ATXN2: variants seen among roughly 807,000 people sequenced by gnomAD.
ATXN2 encodes the protein ataxin 2, also known as ataxin-2.
Under a neutral mutation model 138.6 loss-of-function variants are expected in ATXN2, and 37 were observed. That is an observed-to-expected ratio of 0.27 (90% CI 0.21 to 0.35). The LOEUF is 0.35. Ranked by LOEUF, ATXN2 falls within the 10% of genes least tolerant of loss-of-function variation. The pLI, the probability that ATXN2 is intolerant of heterozygous loss-of-function variation, is 1.00. For missense variants in ATXN2, 1,216 were observed against 1,480.3 expected (o/e 0.82, Z 2.93); for synonymous variants, 549 against 543.7 (o/e 1.01, Z -0.13).
intron 1 of ATXN2, among the ~76,000 whole-genome samples, chr12:111,594,425 G>A (rs1319282598): frequency 4.0e-5 from 6 of 151,330 alleles, no homozygotes; most frequent in Non-Finnish European, 8.8e-5. Flanking sequence ...TGCAACCTCC[G>A]CCTCCTGGGC....
intron 5 of ATXN2, among the ~76,000 whole-genome samples, chr12:111,538,644 T>C (rs1011963620): frequency 2.7e-5 from 4 of 150,354 alleles, no homozygotes; most frequent in Non-Finnish European, 1.5e-5. Flanking sequence ...TGAGCCACTG[T>C]ACCCAGCCAG....
At chr12:111,506,602 A>G (rs1879124454) in intron 14 of ATXN2, among the ~76,000 whole-genome samples, 1 of 151,870 alleles carries the variant, frequency 6.6e-6, no homozygotes, top group South Asian at 2.1e-4. Context: ...AAGAATACCT[A>G]CAGCAAGACA....
chr12:111,495,308 CA>C (rs374203441), intron 14 of ATXN2, among the ~76,000 whole-genome samples: 688 of 60,374 alleles, frequency 0.011, 2 homozygotes, highest in African/African-American at 0.027. Context: ...AACTCTGTCT[CA>C]AAAAAAAAAA....
In ATXN2 at chr12:111,555,930, T is replaced by A; in HGVS notation, c.252-11A>T. 1 of 1,582,474 alleles carries A rather than the reference T, an allele frequency of 6.3e-7. No individual in the cohort carries two copies. The highest frequency in any genetic ancestry group is 8.6e-7 in the Non-Finnish European group (1 of 1,161,958). ...TTACTGTTTCGACCTCTGAAAAGAT[T>A]AAATATTATTTTTATTAAATTCAAC... is the stretch of plus-strand genomic sequence containing the variant. On this transcript the variant is annotated splice_polypyrimidine_tract_variant and intron_variant, in intron 1 of 24. Coordinates refer to ENST00000673436, the MANE Select transcript of ATXN2 (RefSeq NM_001372574.1).
chr12:111,583,953 T>G (rs983335451), intron 1 of ATXN2, among the ~76,000 whole-genome samples: 1 of 151,968 alleles, frequency 6.6e-6, no homozygotes, highest in East Asian at 1.9e-4. Context: ...TAACTGAGTG[T>G]CCTGTATTTC....
chr12:111,555,373 A>G (rs1172684069), intron 2 of ATXN2, among the ~76,000 whole-genome samples: 1 of 152,122 alleles, frequency 6.6e-6, no homozygotes, highest in Non-Finnish European at 1.5e-5. Flanking sequence ...CTTTAATTAT[A>G]ATAATTCTCG....
intron 1 of ATXN2, among the ~76,000 whole-genome samples, chr12:111,597,398 G>A (rs1275065245): frequency 6.6e-6 from 1 of 152,180 alleles, no homozygotes; most frequent in African/African-American, 2.4e-5. Context: ...GTCACCCGCC[G>A]TCAAGCCGGC....
chr12:111,599,204 A>G lies in ATXN2; in HGVS notation c.-170T>C. 1 of 1,200,660 alleles carries G rather than the reference A, an allele frequency of 8.3e-7. No individual in the cohort carries two copies. 74.4% of individuals were successfully genotyped at this position (1,200,660 alleles called of 1,614,324 possible). A position where few individuals can be genotyped will look rare whatever the true frequency, so the allele number is the denominator to read the frequency against. On this transcript the variant is annotated 5_prime_UTR_variant, in exon 1 of 25. Transcript: ENST00000673436. Reference sequence around the variant, plus strand: ...GGCGAGGGGGAGAAGGAGGACGACGAAGGGGCGGGGAGGCCCGCCGAGACC... The same window carrying G: ...GGCGAGGGGGAGAAGGAGGACGACGGAGGGGCGGGGAGGCCCGCCGAGACC...
chr12:111,479,390 TAAAAAAAAA>T (rs33967202), intron 18 of ATXN2, among the ~76,000 whole-genome samples: 2 of 49,848 alleles, frequency 4.0e-5, no homozygotes, highest in African/African-American at 6.4e-5. Context: ...CCGTCTCTGC[TAAAAAAAAA>T]AAAAAAAAAA....
chr12:111,494,615 G>A (rs1345070636), intron 14 of ATXN2, among the ~76,000 whole-genome samples: 1 of 151,722 alleles, frequency 6.6e-6, no homozygotes, highest in Non-Finnish European at 1.5e-5. Flanking sequence ...TAGTAGAGAT[G>A]GGGTTTCACC....
At chr12:111,519,129 T>TA (rs1880017578) in intron 8 of ATXN2, among the ~76,000 whole-genome samples, 1 of 152,304 alleles carries the variant, frequency 6.6e-6, no homozygotes, top group African/African-American at 2.4e-5. Flanking sequence ...GCTCATCCCT[T>TA]AACTAGGTGG....
intron 5 of ATXN2, among the ~76,000 whole-genome samples, chr12:111,535,932 G>A (rs1279989146): frequency 5.3e-5 from 8 of 149,580 alleles, no homozygotes; most frequent in African/African-American, 9.9e-5. Context: ...CCCAGGAGGC[G>A]GAGCTTGCAG....
intron 11 of ATXN2, chr12:111,512,702 C>G (rs1443809565): frequency 2.6e-5 from 4 of 152,128 alleles, no homozygotes; most frequent in African/African-American, 7.3e-5. Context: ...GTGATCCGCC[C>G]ACCTCAGCCT....
At chr12:111,596,237 C>A (rs1002030564) in intron 1 of ATXN2, among the ~76,000 whole-genome samples, 1 of 141,148 alleles carries the variant, frequency 7.1e-6, no homozygotes, top group Non-Finnish European at 1.5e-5. Context: ...CACACACACA[C>A]ACACACACAA....
intron 5 of ATXN2, among the ~76,000 whole-genome samples, chr12:111,536,078 T>C (rs1255123595): frequency 6.6e-6 from 1 of 151,460 alleles, no homozygotes; most frequent in Non-Finnish European, 1.5e-5. Flanking sequence ...GGGCCCTGTA[T>C]AGCATCCCAA....
chr12:111,509,505 C>T, intron 14 of ATXN2, 44 bp downstream of exon 14: 3 of 1,093,710 alleles, frequency 2.7e-6, no homozygotes, highest in Non-Finnish European at 4.0e-6. Context: ...TTTAGTAATG[C>T]TTATTTTCTA....
intron 1 of ATXN2, chr12:111,597,985 C>G: frequency 4.9e-6 from 6 of 1,212,132 alleles, no homozygotes; most frequent in Non-Finnish European, 6.3e-6. Context: ...ACCCGCGCGC[C>G]GGAGAGGTCT....
chr12:111,455,482 T>C (rs35959897), intron 23 of ATXN2: 317 of 301,352 alleles, frequency 1.1e-3, no homozygotes, highest in Non-Finnish European at 1.8e-3. Flanking sequence ...CTAGTTACAC[T>C]GCACCAATGT....
At chr12:111,560,624 G>A (rs1882630577) in intron 1 of ATXN2, among the ~76,000 whole-genome samples, 1 of 152,084 alleles carries the variant, frequency 6.6e-6, no homozygotes, top group African/African-American at 2.4e-5. Context: ...AGGGAAGAAG[G>A]ATAGAACACT....
Sources: gnomAD v4.1 joint callset for allele counts (sites outside exome capture counted in the v4.1 genomes callset) on GRCh38, gnomAD v4.1.1 for gene constraint, MANE v1.5 for transcripts, NCBI Gene and HGNC (gene_info 2026-07-23, HGNC 2026-07-21) for gene names.